The following SPAG16 variants were observed in gnomAD, a reference collection of about 807,000 sequenced individuals.
The protein encoded by SPAG16 is sperm associated antigen 16.
SPAG16 carries 86 observed loss-of-function variants against 80.4 expected under a neutral mutation model. That is an observed-to-expected ratio of 1.07 (90% CI 0.90 to 1.28). The LOEUF is 1.28. Among genes scored for constraint, SPAG16 ranks in the 50% most tolerant of loss-of-function variants. The probability of loss-of-function intolerance (pLI) is 0.00; values close to 1 mark genes in which losing one functional copy is unlikely to be tolerated. For missense variants in SPAG16, 870 were observed against 765.3 expected, an observed-to-expected ratio of 1.14 and a Z score of -1.61; for synonymous variants, 294 against 265.9, an observed-to-expected ratio of 1.11 and a Z score of -1.03.
Position 213,787,626 on chromosome 2 carries a change from A to G in SPAG16, c.1071-74859A>G, listed in dbSNP as rs369310230. ...TATAAGTATCAAATTACATTATAGG[A>G]TAAAATATAATTAAATGATTTTTAA... On this transcript the variant is annotated intron_variant, in intron 10 of 15. Coordinates refer to ENST00000331683, the MANE Select transcript of SPAG16 (RefSeq NM_024532.5). Among the ~76,000 whole-genome samples the G allele has an allele frequency of 6.6e-5, 10 of 152,202 alleles. No homozygotes were observed. In the South Asian group the frequency reaches 1.9e-3, roughly 28 times the overall value.
chr2:213,525,081 G>A (rs914610604), intron 10 of SPAG16, among the ~76,000 whole-genome samples: 3 of 152,054 alleles, frequency 2.0e-5, no homozygotes, highest in African/African-American at 4.8e-5. Flanking sequence ...CTACCTCCAT[G>A]CTGCTGTTCT....
At chr2:213,387,671 G>A (rs955704898) in intron 9 of SPAG16, among the ~76,000 whole-genome samples, 8 of 150,788 alleles carry the variant, frequency 5.3e-5, no homozygotes, top group Non-Finnish European at 7.4e-5. Context: ...GGCCGGGATG[G>A]TCTCGATCTC....
chr2:213,486,358 A>G (rs935175738), intron 9 of SPAG16, among the ~76,000 whole-genome samples: 2 of 152,136 alleles, frequency 1.3e-5, no homozygotes, highest in African/African-American at 2.4e-5. Flanking sequence ...CACTTAATAT[A>G]ATGAAGAGAT....
At chr2:214,367,323 A>G (rs947685137) in intron 15 of SPAG16, among the ~76,000 whole-genome samples, 1 of 152,210 alleles carries the variant, frequency 6.6e-6, no homozygotes, top group Admixed American at 6.5e-5. Flanking sequence ...CAAACGATTC[A>G]TAGTTAGCTG....
intron 10 of SPAG16, among the ~76,000 whole-genome samples, chr2:213,827,522 TTC>T (rs1457312883): frequency 6.6e-6 from 1 of 152,138 alleles, no homozygotes; most frequent in Non-Finnish European, 1.5e-5. Context: ...TAGTTCATTT[TTC>T]TGTTTTTCTA....
At chr2:213,750,053 C>T (rs780217943) in intron 10 of SPAG16, among the ~76,000 whole-genome samples, 4 of 152,130 alleles carry the variant, frequency 2.6e-5, no homozygotes, top group Non-Finnish European at 5.9e-5. Context: ...TACAGTAAGC[C>T]AAGTGGAGTA....
chr2:213,397,740 C>G (rs1022223920), intron 9 of SPAG16, among the ~76,000 whole-genome samples: 8 of 152,126 alleles, frequency 5.3e-5, no homozygotes, highest in East Asian at 3.9e-4. Context: ...CTCCCTACCC[C>G]CCGAATCTCT....
At chr2:213,365,774 G>A (rs940117483) in intron 8 of SPAG16, among the ~76,000 whole-genome samples, 5 of 151,784 alleles carry the variant, frequency 3.3e-5, no homozygotes, top group South Asian at 2.1e-4. Flanking sequence ...TTTATTTAAT[G>A]TACTTCATAA....
intron 15 of SPAG16, among the ~76,000 whole-genome samples, chr2:214,403,918 T>G (rs1701851246): frequency 6.6e-6 from 1 of 152,204 alleles, no homozygotes; most frequent in Admixed American, 6.5e-5. Flanking sequence ...GATCTTGTAC[T>G]AGGAATCCCT....
intron 15 of SPAG16, among the ~76,000 whole-genome samples, chr2:214,165,969 C>A (rs2125617712): frequency 6.6e-6 from 1 of 152,104 alleles, no homozygotes; most frequent in African/African-American, 2.4e-5. Context: ...CATCTCTAGA[C>A]ACCAATCAGG....
intron 15 of SPAG16, among the ~76,000 whole-genome samples, chr2:214,347,858 T>G (rs1157882642): frequency 6.6e-6 from 1 of 152,092 alleles, no homozygotes; most frequent in Non-Finnish European, 1.5e-5. Flanking sequence ...AGAAAACCAT[T>G]CAGCTGTGAA....
intron 15 of SPAG16, among the ~76,000 whole-genome samples, chr2:214,313,190 CTAAG>C (rs1337148153): frequency 9.2e-5 from 14 of 152,010 alleles, no homozygotes; most frequent in East Asian, 1.9e-4. Context: ...ATTTACCTAC[CTAAG>C]TGTCATCTTT....
intron 10 of SPAG16, among the ~76,000 whole-genome samples, chr2:213,814,369 A>T (rs1345747838): frequency 6.6e-6 from 1 of 152,222 alleles, no homozygotes; most frequent in African/African-American, 2.4e-5. Flanking sequence ...TACATCTAAA[A>T]ATATACCTTT....
chr2:213,871,184 A>T (rs1376894727), intron 11 of SPAG16, among the ~76,000 whole-genome samples: 3 of 152,176 alleles, frequency 2.0e-5, no homozygotes, highest in African/African-American at 7.2e-5. Flanking sequence ...TATGAATAAT[A>T]TTACACCAAG....
At position 213,949,471 on chromosome 2, in the gene SPAG16, A is replaced by G. The variant is rs913164050; in HGVS notation, c.1400+19326A>G. On this transcript the variant is annotated intron_variant, in intron 12 of 15. Transcript: ENST00000331683. Reference sequence around the variant, plus strand: ...CATGAGCCACCGCGCTCGGCCTACAATAGTTCTTTTTAATGTGCGTTTTTT... The same window carrying G: ...CATGAGCCACCGCGCTCGGCCTACAGTAGTTCTTTTTAATGTGCGTTTTTT... Among the ~76,000 whole-genome samples, 9 of 152,112 alleles carry G rather than the reference A, an allele frequency of 5.9e-5. No homozygotes were observed. The South Asian group carries it at 6.2e-4, about 11-fold the overall frequency.
At chr2:213,707,440 T>G (rs1168940776) in intron 10 of SPAG16, among the ~76,000 whole-genome samples, 1 of 152,244 alleles carries the variant, frequency 6.6e-6, no homozygotes, top group African/African-American at 2.4e-5. Context: ...CTCAAAAGTT[T>G]CCATTTGACT....
In SPAG16 at chr2:213,672,536, C is replaced by T. The variant is rs186080995; in HGVS notation, c.1070+182446C>T. ...TTTTTGTTCCATTGTTTACATTTCC[C>T]GTCATCTTACTGACTGCCTACTGCT... On this transcript the variant is annotated intron_variant, in intron 10 of 15. Coordinates refer to ENST00000331683, the MANE Select transcript of SPAG16 (RefSeq NM_024532.5). Among the ~76,000 whole-genome samples the T allele has an allele frequency of 2.9e-3, 439 of 152,112 alleles. 1 individual carries two copies. Among genetic ancestry groups the T allele is most frequent in the Non-Finnish European group, 4.9e-3 (331 of 68,006 alleles).
chr2:214,019,799 A>G (rs574234640), intron 13 of SPAG16, among the ~76,000 whole-genome samples: 1 of 152,248 alleles, frequency 6.6e-6, no homozygotes, highest in South Asian at 2.1e-4. Context: ...AGTAATGTTT[A>G]CTGGAGATCT....
At chr2:213,826,063 G>A (rs1340262503) in intron 10 of SPAG16, among the ~76,000 whole-genome samples, 1 of 151,684 alleles carries the variant, frequency 6.6e-6, no homozygotes, top group African/African-American at 2.4e-5. Flanking sequence ...ATAGTATCCT[G>A]TAATAATCCT....
Sources: allele counts gnomAD v4.1 joint callset (sites outside exome capture counted in the v4.1 genomes callset), GRCh38; gene constraint gnomAD v4.1.1; transcripts MANE v1.5; gene names NCBI Gene and HGNC (gene_info 2026-07-23, HGNC 2026-07-21).